Variants in SRC observed in about 807,000 individuals in gnomAD.
SRC encodes the protein SRC proto-oncogene, non-receptor tyrosine kinase.
In SRC, 13 loss-of-function variants were observed where a neutral mutation model predicts 62.9. That is an observed-to-expected ratio of 0.21 (90% CI 0.13 to 0.33). The LOEUF (loss-of-function observed/expected upper bound fraction) is 0.33. Among genes scored for constraint, SRC ranks in the 10% least tolerant of loss-of-function variants. SRC has a pLI of 1.00. For synonymous variants in SRC, 302 were observed against 317.5 expected (o/e 0.95, Z 0.52); for missense variants, 457 against 737.3 (o/e 0.62, Z 4.40).
chr20:37,353,210 CTG>C (rs544313694), intron 1 of SRC, among the ~76,000 whole-genome samples: 50 of 152,300 alleles, frequency 3.3e-4, no homozygotes, highest in African/African-American at 1.2e-3. Flanking sequence ...GATGAGGAAA[CTG>C]TGACCTCAAA....
chr20:37,346,035 C>A, upstream of SRC: 1 of 153,908 alleles, frequency 6.5e-6, no homozygotes, highest in South Asian at 1.8e-4. Flanking sequence ...CCCCTCCTCC[C>A]AGCTCGCGCG....
At chr20:37,386,522 C>CG in intron 5 of SRC, 1 of 458,716 alleles carries the variant, frequency 2.2e-6, no homozygotes, top group Non-Finnish European at 4.4e-6. Context: ...GGGTGCTTCG[C>CG]GGGGGGTGGG....
chr20:37,384,518 A>T lies in SRC; in HGVS notation c.250+115A>T. The T allele has an allele frequency of 6.5e-5, 59 of 906,380 alleles. No homozygotes were observed. Among genetic ancestry groups the T allele is most frequent in the East Asian group, 8.5e-5 (2 of 23,472 alleles). 56.1% of individuals were successfully genotyped at this position (906,380 alleles called of 1,614,324 possible). On this transcript the variant is annotated intron_variant, in intron 4 of 13. Coordinates refer to ENST00000373578, the MANE Select transcript of SRC (RefSeq NM_198291.3). This position sits in a 1 kb window ranked among gnomAD's most constrained non-coding sequence, Gnocchi z 6.7. The stretch of plus-strand genomic sequence containing the variant: ...GCAGGCCCTTCCTCTCGCCAGGGGT[A>T]GCGCCCCTGGGTGACTTGGGTGTCC...
At chr20:37,356,938 G>A (rs2069891019) in intron 1 of SRC, among the ~76,000 whole-genome samples, 1 of 152,172 alleles carries the variant, frequency 6.6e-6, no homozygotes, top group Admixed American at 6.5e-5. Context: ...CCGCAAAAAT[G>A]GGGGTCACAC....
intron 5 of SRC, among the ~76,000 whole-genome samples, chr20:37,389,438 G>C (rs1327686860): frequency 6.6e-6 from 1 of 152,180 alleles, no homozygotes; most frequent in Non-Finnish European, 1.5e-5. Context: ...GAGCCTCGGG[G>C]TCCTGCCTTC....
In SRC at chr20:37,404,669, C is replaced by G. The variant is rs144439907; in HGVS notation, c.*1290C>G. On this transcript the variant is annotated 3_prime_UTR_variant, in exon 14 of 14. Coordinates refer to ENST00000373578, the MANE Select transcript of SRC (RefSeq NM_198291.3). ...GTCTCTCTGGGCTGCAGAGTCTGCC[C>G]CACATGTGGCCATGGCCTCTGCAAC... The G allele has an allele frequency of 1.2e-4, 29 of 233,654 alleles. No individual in the cohort carries two copies. The highest frequency in any genetic ancestry group is 5.5e-4 in the African/African-American group (25 of 45,480). 14.5% of individuals were successfully genotyped at this position (233,654 alleles called of 1,614,324 possible).
chr20:37,388,075 C>T (rs1030717289), intron 5 of SRC, among the ~76,000 whole-genome samples: 4 of 152,270 alleles, frequency 2.6e-5, no homozygotes, highest in Middle Eastern at 3.4e-3. Flanking sequence ...GGGAGAGGCC[C>T]GTGCAGGGGA....
intron 2 of SRC, among the ~76,000 whole-genome samples, chr20:37,375,996 T>C (rs1359817814): frequency 6.6e-6 from 1 of 152,212 alleles, no homozygotes; most frequent in Non-Finnish European, 1.5e-5. Flanking sequence ...TCCATCCTTA[T>C]GACTTATGTA....
chr20:37,404,792 T>G lies in SRC; in HGVS notation c.*1413T>G, dbSNP rs542693142. 2.6e-5 allele frequency: 6 copies of G among 233,254 alleles called. No homozygotes were observed. The highest frequency in any genetic ancestry group is 2.4e-4 in the East Asian group (4 of 16,578). The allele number at this position is 233,254 out of a possible 1,614,324, so 14.4% of individuals were successfully genotyped here. Reference sequence around the variant, plus strand: ...GCTCTGGCTCTGTTCGGCCTTTGGGTGTGTGGTGGATTCTCCCTGGGCCTC... The same window carrying G: ...GCTCTGGCTCTGTTCGGCCTTTGGGGGTGTGGTGGATTCTCCCTGGGCCTC... On this transcript the variant is annotated 3_prime_UTR_variant, in exon 14 of 14. Coordinates refer to ENST00000373578, the MANE Select transcript of SRC (RefSeq NM_198291.3).
At chr20:37,401,809 C>G in intron 11 of SRC, 131 bp downstream of exon 11, 1 of 600,216 alleles carries the variant, frequency 1.7e-6, no homozygotes, top group Non-Finnish European at 2.8e-6. Context: ...ACTCACTGAT[C>G]TTGCCGCACG....
Position 37,403,608 on chromosome 20 carries a change from G to C in SRC, c.*229G>C. ...AGCACGGTGACTCTGTCCAGCTCCC[G>C]CTGTGGCCGCACGCCTCTCCCTGCA... On this transcript the variant is annotated 3_prime_UTR_variant, in exon 14 of 14. Coordinates refer to ENST00000373578, the MANE Select transcript of SRC (RefSeq NM_198291.3). This position sits in a 1 kb window ranked among gnomAD's most constrained non-coding sequence, Gnocchi z 7.1. 7.0e-6 allele frequency: 4 copies of C among 571,340 alleles called. No homozygotes were observed. Among genetic ancestry groups the C allele is most frequent in the Admixed American group, 6.1e-5 (2 of 32,962 alleles). 35.4% of individuals were successfully genotyped at this position (571,340 alleles called of 1,614,324 possible).
chr20:37,381,779 G>A (rs1344652640), intron 2 of SRC, among the ~76,000 whole-genome samples: 1 of 152,124 alleles, frequency 6.6e-6, no homozygotes, highest in African/African-American at 2.4e-5. Context: ...GATGGGTATC[G>A]TGACCTCAAT....
rs550677488 is a variant in SRC, at chr20:37,373,221, T to C, written c.-173+7944T>C. On this transcript the variant is annotated intron_variant, in intron 2 of 13. Coordinates refer to ENST00000373578, the MANE Select transcript of SRC (RefSeq NM_198291.3). ...ATGTACATATCTACACACATGTACA[T>C]ACGTACACACATGCACATATGTACA... is the stretch of plus-strand genomic sequence containing the variant. Among the ~76,000 whole-genome samples, 602 of 135,396 alleles carry C rather than the reference T, an allele frequency of 4.4e-3. 4 individuals are homozygous for C. Among genetic ancestry groups the C allele is most frequent in the Non-Finnish European group, 7.7e-3 (469 of 60,726 alleles). The allele number at this position is 135,396 out of a possible 152,430, so 88.8% of individuals were successfully genotyped here.
chr20:37,384,081 TG>T lies in SRC; in HGVS notation c.-4-66del. 6.4e-7 allele frequency: 1 copy of T among 1,564,046 alleles called. No homozygotes were observed. Among genetic ancestry groups the T allele is most frequent in the East Asian group, 2.5e-5 (1 of 40,418 alleles). ...TCGTTTTCCCTATCTGTGGAATGGGTGGGAGGGAGGCCGGCCAAGGGGCCCC... is the reference window on the plus strand; with the variant it reads ...TCGTTTTCCCTATCTGTGGAATGGGTGGAGGGAGGCCGGCCAAGGGGCCCC... On this transcript the variant is annotated intron_variant, in intron 3 of 13. Transcript: ENST00000373578. This position sits in a 1 kb window ranked among gnomAD's most constrained non-coding sequence, Gnocchi z 6.7.
At chr20:37,373,091 A>C (rs552803469) in intron 2 of SRC, among the ~76,000 whole-genome samples, 1 of 148,416 alleles carries the variant, frequency 6.7e-6, no homozygotes, top group South Asian at 2.1e-4. Context: ...TACATATATA[A>C]ATACATATAC....
In SRC at chr20:37,396,342, C is replaced by A. The variant is rs377282155; in HGVS notation, c.703+31C>A. On this transcript the variant is annotated intron_variant, in intron 8 of 13. Coordinates refer to ENST00000373578, the MANE Select transcript of SRC (RefSeq NM_198291.3). The surrounding 1 kb of genome is among the most constrained non-coding windows in gnomAD (Gnocchi z 6.1). ...CCAGCCTCGGAGGGCGGAGGGCGGG[C>A]GGGCAAAGCCTCAGCTGCAGACTCT... 9.3e-6 allele frequency: 15 copies of A among 1,606,974 alleles called. No homozygotes were observed. Among genetic ancestry groups the A allele is most frequent in the African/African-American group, 1.3e-5 (1 of 74,846 alleles).
chr20:37,404,918 G>A lies in SRC; in HGVS notation c.*1539G>A, dbSNP rs1188670160. 8 of 233,256 alleles carry A rather than the reference G, an allele frequency of 3.4e-5. No homozygotes were observed. Among genetic ancestry groups the A allele is most frequent in the East Asian group, 1.2e-4 (2 of 16,552 alleles). 14.4% of individuals were successfully genotyped at this position (233,256 alleles called of 1,614,324 possible). A position where few individuals can be genotyped will look rare whatever the true frequency, so the allele number is the denominator to read the frequency against. Reference sequence around the variant, plus strand: ...TGCATGTGTGCGTGTCTCCATGTGCGTCCATATTTAACATGTAAAAATGTC... The same window carrying A: ...TGCATGTGTGCGTGTCTCCATGTGCATCCATATTTAACATGTAAAAATGTC... On this transcript the variant is annotated 3_prime_UTR_variant, in exon 14 of 14. Transcript: ENST00000373578.
intron 2 of SRC, among the ~76,000 whole-genome samples, chr20:37,382,312 G>C (rs1198776135): frequency 6.6e-6 from 1 of 152,208 alleles, no homozygotes; most frequent in Non-Finnish European, 1.5e-5. Flanking sequence ...GGCACAGAGA[G>C]AAGTTAAGTC....
chr20:37,404,999 A>T lies in SRC; in HGVS notation c.*1620A>T. On this transcript the variant is annotated 3_prime_UTR_variant, in exon 14 of 14. Transcript: ENST00000373578. ...CATTTCACCATGGCCCCCTCATCAT[A>T]GCAATAACATTCCCACTGCCAGGGG... 1 of 202,646 alleles carries T rather than the reference A, an allele frequency of 4.9e-6. No homozygotes were observed. Among genetic ancestry groups the T allele is most frequent in the Non-Finnish European group, 9.9e-6 (1 of 101,358 alleles). The allele number at this position is 202,646 out of a possible 1,614,324, so 12.6% of individuals were successfully genotyped here. A position where few individuals can be genotyped will look rare whatever the true frequency, so the allele number is the denominator to read the frequency against.
Sources: gnomAD v4.1 joint callset for allele counts (sites outside exome capture counted in the v4.1 genomes callset) on GRCh38, gnomAD v4.1.1 for gene constraint, Gnocchi (gnomAD v3.1) non-coding constraint, MANE v1.5 for transcripts, NCBI Gene and HGNC (gene_info 2026-07-23, HGNC 2026-07-21) for gene names.